The following JPH1 variants were observed in gnomAD, a reference collection of about 807,000 sequenced individuals.
JPH1 encodes junctophilin-1.
A neutral mutation model predicts 53.6 loss-of-function variants in JPH1; 12 were observed. That is an observed-to-expected ratio of 0.22 (90% CI 0.14 to 0.36). JPH1 has a LOEUF of 0.36. Ranked by LOEUF, JPH1 falls within the 10% of genes least tolerant of loss-of-function variation. The pLI, the probability that JPH1 is intolerant of heterozygous loss-of-function variation, is 1.00. For missense variants in JPH1, 808 were observed against 905.5 expected (o/e 0.89, Z 1.38); for synonymous variants, 375 against 363.8 (o/e 1.03, Z -0.35).
chr8:74,282,555 G>GCA (rs2131421162), intron 2 of JPH1, among the ~76,000 whole-genome samples: 1 of 152,248 alleles, frequency 6.6e-6, no homozygotes, highest in South Asian at 2.1e-4. Context: ...AATAAGCCAA[G>GCA]CACAGAAAGG....
intron 2 of JPH1, among the ~76,000 whole-genome samples, chr8:74,297,487 G>A (rs1236554623): frequency 6.6e-6 from 1 of 152,176 alleles, no homozygotes; most frequent in Non-Finnish European, 1.5e-5. Flanking sequence ...ATCCAAGTGT[G>A]CTTCGCGGGA....
At chr8:74,318,624 A>G (rs1401563763) in intron 1 of JPH1, among the ~76,000 whole-genome samples, 2 of 152,178 alleles carry the variant, frequency 1.3e-5, no homozygotes, top group Admixed American at 1.3e-4. Flanking sequence ...TACGTCTCAC[A>G]TGGAATTACT....
At chr8:74,275,196 A>C (rs548943312) in intron 2 of JPH1, among the ~76,000 whole-genome samples, 1 of 152,182 alleles carries the variant, frequency 6.6e-6, no homozygotes, top group Non-Finnish European at 1.5e-5. Context: ...CCACTTTTAA[A>C]TGTCCCTAAC....
intron 4 of JPH1, among the ~76,000 whole-genome samples, chr8:74,242,199 T>TG (rs1805715690): frequency 6.6e-6 from 1 of 152,232 alleles, no homozygotes; most frequent in Non-Finnish European, 1.5e-5. Flanking sequence ...ATAGCCAGGG[T>TG]GATCCTGAGG....
rs921300847 is a variant in JPH1 at position 74,234,755 on chromosome 8, A to G, written c.*2296T>C. 2.6e-5 allele frequency: 4 copies of G among 152,664 alleles called. No individual in the cohort carries two copies. Among genetic ancestry groups the G allele is most frequent in the Non-Finnish European group, 4.4e-5 (3 of 68,038 alleles). 9.5% of individuals were successfully genotyped at this position (152,664 alleles called of 1,614,324 possible). ...GCAGATACAGTTGTGAAAACTGTAC[A>G]TTATACATTTTGGTTTCAAGAATTA... On this transcript the variant is annotated 3_prime_UTR_variant, in exon 6 of 6. Coordinates refer to ENST00000342232, the MANE Select transcript of JPH1 (RefSeq NM_020647.4).
At chr8:74,287,515 C>T (rs182118526) in intron 2 of JPH1, among the ~76,000 whole-genome samples, 42 of 151,996 alleles carry the variant, frequency 2.8e-4, no homozygotes, top group African/African-American at 1.0e-3. Flanking sequence ...GCCCCAAGGA[C>T]CTAGGGTTGA....
intron 2 of JPH1, among the ~76,000 whole-genome samples, chr8:74,272,189 C>T (rs1806719354): frequency 1.3e-5 from 2 of 152,164 alleles, no homozygotes; most frequent in African/African-American, 2.4e-5. Context: ...CTGTCCAAAT[C>T]CTCATTTCCT....
chr8:74,293,709 G>T (rs182241881), intron 2 of JPH1, among the ~76,000 whole-genome samples: 1 of 152,246 alleles, frequency 6.6e-6, no homozygotes, highest in East Asian at 1.9e-4. Flanking sequence ...TTGATTTCTG[G>T]CAACCATAAC....
intron 2 of JPH1, among the ~76,000 whole-genome samples, chr8:74,311,033 C>T (rs921977587): frequency 3.9e-5 from 6 of 152,184 alleles, no homozygotes; most frequent in Admixed American, 3.3e-4. Flanking sequence ...CCAAGCCATC[C>T]TTCCACCTCA....
chr8:74,315,320 T>A lies in JPH1; in HGVS notation c.680A>T (p.Glu227Val), dbSNP rs753647862. ...LLGSMKLRKS[E>V]SKSSISSKRS... is the part of the protein sequence containing the mutation. ...CTTGCTCGAGATGGAAGACTTGGAT[T>A]CGGACTTGCGAAGTTTCATGCTTCC... is the stretch of plus-strand genomic sequence containing the variant. The change falls in exon 2 of 6, where the codon GAA becomes GTA. Residue 227 changes from glutamate to valine, a missense_variant. Transcript: ENST00000342232. The surrounding 1 kb of genome is among the most constrained non-coding windows in gnomAD (Gnocchi z 6.3). The A allele has an allele frequency of 1.2e-6, 2 of 1,613,852 alleles. No homozygotes were observed. The highest frequency in any genetic ancestry group is 1.7e-5 in the Admixed American group (1 of 60,024).
rs762777925 is a variant in JPH1, at chr8:74,315,574, G to C, written c.426C>G (p.Gly142=). 1.2e-6 allele frequency: 2 copies of C among 1,604,888 alleles called. No homozygotes were observed. Among genetic ancestry groups the C allele is most frequent in the South Asian group, 2.2e-5 (2 of 90,828 alleles). ...QWAGGMRHGY[G]VRQSVPYGMA... ...TGCCGTAGGGCACGCTCTGGCGCAC[G>C]CCGTAGCCATGCCGCATGCCTCCGG... Residue 142 remains glycine, a synonymous_variant, in exon 2 of 6, where the codon GGC becomes GGG. Transcript: ENST00000342232. The surrounding 1 kb of genome is among the most constrained non-coding windows in gnomAD (Gnocchi z 6.3).
intron 2 of JPH1, among the ~76,000 whole-genome samples, chr8:74,275,214 G>A (rs1337343476): frequency 2.0e-5 from 3 of 152,030 alleles, no homozygotes; most frequent in African/African-American, 7.2e-5. Flanking sequence ...AACACAGGAG[G>A]GACCATTCAC....
Position 74,244,953 on chromosome 8 carries a change from A to G in JPH1, c.1481T>C (p.Leu494Pro), listed in dbSNP as rs1174272760. 1.2e-6 allele frequency: 2 copies of G among 1,613,976 alleles called. No homozygotes were observed. Among genetic ancestry groups the G allele is most frequent in the East Asian group, 2.2e-5 (1 of 44,860 alleles). The part of the protein sequence containing the change: ...KKQNPSSGAR[L>P]NQDKRSVADE... ...AGCCACACTCCTTTTGTCTTGGTTGAGTCTCGCCCCTGAGCTGGGGTTTTG... is the reference window on the plus strand; with the variant it reads ...AGCCACACTCCTTTTGTCTTGGTTGGGTCTCGCCCCTGAGCTGGGGTTTTG... Residue 494 changes from leucine (L) to proline (P), a missense_variant, in exon 4 of 6, where the codon CTC (leucine) becomes CCC (proline). By Grantham distance (98) the Leu-to-Pro change is moderately conservative (BLOSUM62 -3). Coordinates refer to ENST00000342232, the MANE Select transcript of JPH1 (RefSeq NM_020647.4).
intron 2 of JPH1, among the ~76,000 whole-genome samples, chr8:74,268,549 A>T (rs1020176987): frequency 6.6e-5 from 10 of 152,142 alleles, no homozygotes; most frequent in African/African-American, 1.2e-4. Flanking sequence ...CAAATTATTT[A>T]AAAATGGATG....
In JPH1 at chr8:74,272,896, G is replaced by A. The variant is rs529233042; in HGVS notation, c.1140-13393C>T. 8.5e-5 allele frequency among the ~76,000 whole-genome samples: 13 copies of A among 152,130 alleles called. 1 individual carries two copies. In the South Asian group the frequency reaches 2.3e-3, roughly 27 times the overall value. ...TGGGATTACAGGCGTGAGCCACCGC[G>A]CCCGGCCGGACCCTTAGTTCTGAGA... On this transcript the variant is annotated intron_variant, in intron 2 of 5. Transcript: ENST00000342232.
intron 2 of JPH1, among the ~76,000 whole-genome samples, chr8:74,282,819 C>T (rs1586756154): frequency 6.6e-6 from 1 of 152,292 alleles, no homozygotes; most frequent in East Asian, 1.9e-4. Flanking sequence ...GGGAACGTTT[C>T]CAACATAAAG....
At chr8:74,293,564 C>T (rs955596090) in intron 2 of JPH1, among the ~76,000 whole-genome samples, 2 of 152,206 alleles carry the variant, frequency 1.3e-5, no homozygotes, top group Non-Finnish European at 2.9e-5. Flanking sequence ...ACTACCCCAT[C>T]ATGCAGAAAT....
intron 2 of JPH1, among the ~76,000 whole-genome samples, chr8:74,273,962 G>A (rs1806777141): frequency 6.6e-6 from 1 of 152,054 alleles, no homozygotes; most frequent in Admixed American, 6.6e-5. Flanking sequence ...GCCATCTCCT[G>A]GCAAGAAGCC....
Position 74,320,171 on chromosome 8 carries a change from A to G in JPH1, c.379+738T>C, listed in dbSNP as rs1441615966. ...AGACTTCATTACCCATTTCTAAAAT[A>G]TCTTCCTAGTAATTTGTCCAAGATC... On this transcript the variant is annotated intron_variant, in intron 1 of 5. Coordinates refer to ENST00000342232, the MANE Select transcript of JPH1 (RefSeq NM_020647.4). This position sits in a 1 kb window ranked among gnomAD's most constrained non-coding sequence, Gnocchi z 4.4. Among the ~76,000 whole-genome samples the G allele has an allele frequency of 6.6e-6, 1 of 152,222 alleles. No individual in the cohort carries two copies. Among genetic ancestry groups the G allele is most frequent in the Non-Finnish European group, 1.5e-5 (1 of 68,038 alleles).
Sources: gnomAD v4.1 joint callset for allele counts (sites outside exome capture counted in the v4.1 genomes callset) on GRCh38, gnomAD v4.1.1 for gene constraint, Gnocchi (gnomAD v3.1) non-coding constraint, MANE v1.5 for transcripts, NCBI Gene and HGNC (gene_info 2026-07-23, HGNC 2026-07-21) for gene names.